The following CHRM3 variants were observed in gnomAD, a reference collection of about 807,000 sequenced individuals.
CHRM3 encodes the protein cholinergic receptor muscarinic 3, also known as muscarinic acetylcholine receptor M3.
In CHRM3, 11 loss-of-function variants were observed where a neutral mutation model predicts 41.8. That is an observed-to-expected ratio of 0.26 (90% CI 0.17 to 0.44). The LOEUF is 0.44. Ranked by LOEUF, CHRM3 falls within the 20% of genes least tolerant of loss-of-function variation. CHRM3 has a pLI of 1.00. For synonymous variants in CHRM3, 297 were observed against 301.4 expected (o/e 0.99, Z 0.15); for missense variants, 571 against 745.4 (o/e 0.77, Z 2.72).
intron 6 of CHRM3, among the ~76,000 whole-genome samples, chr1:239,838,243 G>A (rs180924680): frequency 1.3e-5 from 2 of 152,260 alleles, no homozygotes; most frequent in East Asian, 3.9e-4. Flanking sequence ...AGTTGGAATA[G>A]TAACTTTGAG....
intron 4 of CHRM3, among the ~76,000 whole-genome samples, chr1:239,641,687 A>G (rs1671170488): frequency 6.9e-6 from 1 of 145,792 alleles, no homozygotes; most frequent in Non-Finnish European, 1.5e-5. Flanking sequence ...TTTCCTGAAT[A>G]CAGCACACTG....
intron 1 of CHRM3, among the ~76,000 whole-genome samples, chr1:239,420,308 G>A (rs1221255140): frequency 6.6e-6 from 1 of 152,196 alleles, no homozygotes; most frequent in Non-Finnish European, 1.5e-5. Context: ...TCAGCCGCAT[G>A]GTAGTGAGCA....
At chr1:239,799,650 ACTTTATTG>A (rs929764145) in intron 5 of CHRM3, among the ~76,000 whole-genome samples, 4 of 152,128 alleles carry the variant, frequency 2.6e-5, no homozygotes, top group African/African-American at 9.7e-5. Flanking sequence ...GCTGCCACTG[ACTTTATTG>A]CTTTTTGTGC....
intron 3 of CHRM3, among the ~76,000 whole-genome samples, chr1:239,592,539 G>A (rs888186435): frequency 1.3e-5 from 2 of 152,062 alleles, no homozygotes; most frequent in African/African-American, 4.8e-5. Context: ...TATTCCATAA[G>A]ACCATTTCAT....
At chr1:239,501,360 T>C (rs983141608) in intron 2 of CHRM3, among the ~76,000 whole-genome samples, 7 of 152,196 alleles carry the variant, frequency 4.6e-5, no homozygotes, top group African/African-American at 1.7e-4. Flanking sequence ...TTCCTAAAGA[T>C]AGACCATATG....
At chr1:239,525,838 TC>T (rs1003188734) in intron 2 of CHRM3, among the ~76,000 whole-genome samples, 18 of 152,334 alleles carry the variant, frequency 1.2e-4, no homozygotes, top group Middle Eastern at 3.4e-3. Context: ...GCCTGTTGCT[TC>T]CCCAGTGGTT....
intron 1 of CHRM3, among the ~76,000 whole-genome samples, chr1:239,459,718 C>T (rs1665214389): frequency 1.3e-5 from 2 of 152,090 alleles, no homozygotes; most frequent in Non-Finnish European, 2.9e-5. Context: ...TATTTTAACA[C>T]AGTTGATAGT....
At position 239,856,895 on chromosome 1, in the gene CHRM3, G is replaced by A. The variant is rs1387683632; in HGVS notation, c.-20+29517G>A. On this transcript the variant is annotated intron_variant, in intron 6 of 6. Coordinates refer to ENST00000676153, the MANE Select transcript of CHRM3 (RefSeq NM_001375978.1). The stretch of plus-strand genomic sequence containing the variant: ...ATTTACTTGAGTGGGATTTTGCAAA[G>A]AAGGTAGGTAAAACTCATCTCAACA... Among the ~76,000 whole-genome samples the A allele has an allele frequency of 2.6e-5, 4 of 152,186 alleles. No individual in the cohort carries two copies. The South Asian group carries it at 8.3e-4, about 31-fold the overall frequency.
At chr1:239,765,145 T>A (rs1667101190) in intron 5 of CHRM3, among the ~76,000 whole-genome samples, 1 of 152,146 alleles carries the variant, frequency 6.6e-6, no homozygotes, top group Admixed American at 6.5e-5. Flanking sequence ...TTAACCAGAT[T>A]GTTTGAGATG....
chr1:239,688,639 A>G (rs1659399007), intron 5 of CHRM3, among the ~76,000 whole-genome samples: 1 of 134,134 alleles, frequency 7.5e-6, no homozygotes, highest in South Asian at 2.2e-4. Flanking sequence ...TACATAATAT[A>G]TATAATATAT....
intron 4 of CHRM3, among the ~76,000 whole-genome samples, chr1:239,673,879 T>C (rs1012851653): frequency 6.6e-6 from 1 of 152,178 alleles, no homozygotes; most frequent in African/African-American, 2.4e-5. Flanking sequence ...CTATTATAAA[T>C]ACAGATCAGC....
chr1:239,749,697 GTATA>G (rs1665654238), intron 5 of CHRM3, among the ~76,000 whole-genome samples: 1 of 152,090 alleles, frequency 6.6e-6, no homozygotes, highest in African/African-American at 2.4e-5. Context: ...GGGTAGCTTT[GTATA>G]TTTTCTGAGC....
At chr1:239,538,526 A>T (rs543924824) in intron 2 of CHRM3, among the ~76,000 whole-genome samples, 8 of 152,184 alleles carry the variant, frequency 5.3e-5, no homozygotes, top group Non-Finnish European at 1.2e-4. Flanking sequence ...AGTAGACTTA[A>T]TTTAAATAGG....
rs1160391982 is a variant in CHRM3 at position 239,827,327 on chromosome 1, GATT to G, written c.-68_-66del. ...ATGCCGGGATCATCATGACCGTAGA[GATT>G]ATGTCACTGTTTTGCATCCTTGTTA... is the stretch of plus-strand genomic sequence containing the variant. On this transcript the variant is annotated 5_prime_UTR_variant, in exon 6 of 7. The change creates a new upstream start codon in the 5' untranslated region. Transcript: ENST00000676153. The G allele has an allele frequency of 6.6e-6, 1 of 152,158 alleles. No homozygotes were observed. The highest frequency in any genetic ancestry group is 1.9e-4 in the East Asian group (1 of 5,184). 9.4% of individuals were successfully genotyped at this position (152,158 alleles called of 1,614,324 possible). A position where few individuals can be genotyped will look rare whatever the true frequency, so the allele number is the denominator to read the frequency against.
Position 239,602,090 on chromosome 1 carries a change from A to ATATGTGTGTGTGTGTGTGTG in CHRM3, c.-312-30133_-312-30132insATGTGTGTGTGTGTGTGTGT, listed in dbSNP as rs371232279. 1.2e-3 allele frequency among the ~76,000 whole-genome samples: 151 copies of ATATGTGTGTGTGTGTGTGTG among 131,224 alleles called. 3 individuals are homozygous for ATATGTGTGTGTGTGTGTGTG. Among genetic ancestry groups the ATATGTGTGTGTGTGTGTGTG allele is most frequent in the African/African-American group, 2.4e-3 (75 of 30,910 alleles). 86.1% of individuals were successfully genotyped at this position (131,224 alleles called of 152,430 possible). ...CACATATGTACACATACATATATAC[A>ATATGTGTGTGTGTGTGTGTG]TGTGTGTGTGTGTGTGTGTGTATAT... On this transcript the variant is annotated intron_variant, in intron 3 of 6. Transcript: ENST00000676153.
At chr1:239,833,447 C>T (rs1366956677) in intron 6 of CHRM3, among the ~76,000 whole-genome samples, 1 of 152,126 alleles carries the variant, frequency 6.6e-6, no homozygotes, top group Non-Finnish European at 1.5e-5. Flanking sequence ...TGGTGCCTTT[C>T]AGAGGAGCAA....
intron 5 of CHRM3, among the ~76,000 whole-genome samples, chr1:239,760,371 A>G (rs549368235): frequency 2.0e-5 from 3 of 151,854 alleles, no homozygotes; most frequent in Non-Finnish European, 4.4e-5. Flanking sequence ...TGAAATCCTT[A>G]CTTTGCCTGA....
intron 6 of CHRM3, among the ~76,000 whole-genome samples, chr1:239,833,979 A>G (rs1168537846): frequency 6.6e-6 from 1 of 152,198 alleles, no homozygotes; most frequent in African/African-American, 2.4e-5. Flanking sequence ...CAACAGCAGC[A>G]GGAAGATTAC....
chr1:239,875,652 G>A (rs546103222), intron 6 of CHRM3, among the ~76,000 whole-genome samples: 23 of 152,274 alleles, frequency 1.5e-4, no homozygotes, highest in African/African-American at 4.3e-4. Context: ...AACGATTTAC[G>A]TATCTCAAGA....
Sources: gnomAD v4.1 joint callset for allele counts (sites outside exome capture counted in the v4.1 genomes callset) on GRCh38, gnomAD v4.1.1 for gene constraint, MANE v1.5 for transcripts, NCBI Gene and HGNC (gene_info 2026-07-23, HGNC 2026-07-21) for gene names.